RFX3: variants seen among roughly 807,000 people sequenced by gnomAD.
The protein encoded by RFX3 is transcription factor RFX3.
RFX3 carries 14 observed loss-of-function variants against 98.6 expected under a neutral mutation model. The observed-to-expected ratio is 0.14, with a 90% CI of 0.09 to 0.22. The LOEUF (loss-of-function observed/expected upper bound fraction) is 0.22, where lower values mean the gene tolerates loss of function less well. Ranked by LOEUF, RFX3 falls within the 10% of genes least tolerant of loss-of-function variation. The pLI, the probability that RFX3 is intolerant of heterozygous loss-of-function variation, is 1.00. For missense variants in RFX3, 639 were observed against 926.9 expected (o/e 0.69, Z 4.03); for synonymous variants, 383 against 328.4 (o/e 1.17, Z -1.80).
intron 1 of RFX3, among the ~76,000 whole-genome samples, chr9:3,522,451 G>A (rs992411583): frequency 6.6e-6 from 1 of 152,108 alleles, no homozygotes; most frequent in Non-Finnish European, 1.5e-5. Flanking sequence ...TCTCAAAAAT[G>A]TTAAAGTTTA....
intron 1 of RFX3, among the ~76,000 whole-genome samples, chr9:3,414,446 C>A (rs1842715698): frequency 6.6e-6 from 1 of 151,288 alleles, no homozygotes; most frequent in Non-Finnish European, 1.5e-5. Flanking sequence ...TATTTGCTGT[C>A]CTACCAAAAG....
At chr9:3,448,084 C>CTGA (rs142421456) in intron 1 of RFX3, among the ~76,000 whole-genome samples, 1,804 of 152,238 alleles carry the variant, frequency 0.012, 33 homozygotes, top group African/African-American at 0.041. Flanking sequence ...TCCCTCACTT[C>CTGA]ACCTACTTAA....
chr9:3,238,509 C>T (rs1047622752), intron 15 of RFX3, among the ~76,000 whole-genome samples: 1 of 152,144 alleles, frequency 6.6e-6, no homozygotes, highest in Non-Finnish European at 1.5e-5. Flanking sequence ...CTTGGCCTAA[C>T]CCGAGTGTTT....
At chr9:3,234,314 T>C (rs891734053) in intron 15 of RFX3, among the ~76,000 whole-genome samples, 2 of 152,180 alleles carry the variant, frequency 1.3e-5, no homozygotes, top group Admixed American at 6.6e-5. Flanking sequence ...AACAGGTATA[T>C]GAATGTGTGT....
At chr9:3,338,220 A>G (rs1398692945) in intron 3 of RFX3, among the ~76,000 whole-genome samples, 1 of 152,254 alleles carries the variant, frequency 6.6e-6, no homozygotes, top group Non-Finnish European at 1.5e-5. Context: ...TATCACTAAT[A>G]AAACATTTGC....
chr9:3,301,173 G>C (rs534367342), intron 5 of RFX3, among the ~76,000 whole-genome samples: 2 of 151,738 alleles, frequency 1.3e-5, no homozygotes, highest in Non-Finnish European at 2.9e-5. Context: ...CACGCAAGTA[G>C]ACATGGCTGT....
chr9:3,353,586 C>A (rs1835409752), intron 2 of RFX3, among the ~76,000 whole-genome samples: 1 of 151,900 alleles, frequency 6.6e-6, no homozygotes, highest in African/African-American at 2.4e-5. Context: ...AGGAGTAAAG[C>A]CTTAGTAGTA....
chr9:3,376,712 T>C (rs1486580430), intron 2 of RFX3, among the ~76,000 whole-genome samples: 1 of 151,932 alleles, frequency 6.6e-6, no homozygotes, highest in Non-Finnish European at 1.5e-5. Context: ...AGGGCTAATA[T>C]CCAGAATCTA....
intron 1 of RFX3, among the ~76,000 whole-genome samples, chr9:3,521,377 T>C (rs913875549): frequency 2.6e-5 from 4 of 152,158 alleles, no homozygotes; most frequent in African/African-American, 4.8e-5. Flanking sequence ...TAAGATAGTA[T>C]GTTAAACTCC....
chr9:3,387,772 C>T (rs992218906), intron 2 of RFX3, among the ~76,000 whole-genome samples: 11 of 151,998 alleles, frequency 7.2e-5, no homozygotes, highest in Non-Finnish European at 1.5e-4. Flanking sequence ...CAAGTAAGAG[C>T]AAACCGGAGA....
chr9:3,417,833 TA>T (rs1421399948), intron 1 of RFX3, among the ~76,000 whole-genome samples: 2 of 152,254 alleles, frequency 1.3e-5, no homozygotes, highest in Non-Finnish European at 1.5e-5. Flanking sequence ...AAAATTCACA[TA>T]AAAAACAGTT....
At chr9:3,501,820 G>A (rs892225625) in intron 1 of RFX3, among the ~76,000 whole-genome samples, 3 of 151,494 alleles carry the variant, frequency 2.0e-5, no homozygotes, top group Non-Finnish European at 4.4e-5. Flanking sequence ...GCCTCCCAAA[G>A]TGCTGGAATT....
chr9:3,434,767 A>G (rs561142599), intron 1 of RFX3, among the ~76,000 whole-genome samples: 256 of 152,136 alleles, frequency 1.7e-3, no homozygotes, highest in African/African-American at 5.3e-3. Context: ...ACATTTCACA[A>G]TTACAGTCAT....
At chr9:3,225,669 CAAAA>C (rs561957459) in intron 16 of RFX3, among the ~76,000 whole-genome samples, 1 of 150,672 alleles carries the variant, frequency 6.6e-6, no homozygotes, top group African/African-American at 2.4e-5. Flanking sequence ...AACGCAAACA[CAAAA>C]AAAGTGTTGT....
chr9:3,284,909 C>T lies in RFX3; in HGVS notation c.851+3222G>A, dbSNP rs548007674. ...TTCCGACTCATGGCTATGTTCCATA[C>T]AGTGGTATTGCTGGGAATTGGATTT... is the stretch of plus-strand genomic sequence containing the variant. On this transcript the variant is annotated intron_variant, in intron 7 of 16. Transcript: ENST00000617270. Among the ~76,000 whole-genome samples, 35 of 151,866 alleles carry T rather than the reference C, an allele frequency of 2.3e-4. No individual in the cohort carries two copies. In the South Asian group the frequency reaches 7.0e-3, roughly 31 times the overall value.
At chr9:3,303,659 A>C (rs1828930796) in intron 4 of RFX3, among the ~76,000 whole-genome samples, 1 of 151,740 alleles carries the variant, frequency 6.6e-6, no homozygotes, top group South Asian at 2.1e-4. Flanking sequence ...AAAAAAAAAA[A>C]GTCAGAGATC....
intron 1 of RFX3, among the ~76,000 whole-genome samples, chr9:3,487,751 A>C (rs1587839617): frequency 6.6e-6 from 1 of 152,198 alleles, no homozygotes; most frequent in Non-Finnish European, 1.5e-5. Context: ...GCTTCCAATT[A>C]TCCCTCCAAA....
intron 1 of RFX3, among the ~76,000 whole-genome samples, chr9:3,455,092 A>G (rs1033679485): frequency 2.0e-5 from 3 of 152,052 alleles, no homozygotes; most frequent in African/African-American, 4.8e-5. Flanking sequence ...AATTCCCCAC[A>G]CCGTAGCCAG....
intron 14 of RFX3, among the ~76,000 whole-genome samples, chr9:3,252,945 C>T (rs1032210720): frequency 1.3e-5 from 2 of 152,180 alleles, no homozygotes; most frequent in African/African-American, 4.8e-5. Context: ...CTCTCTGTGT[C>T]AGGCCTCCGC....
Sources: allele counts gnomAD v4.1 joint callset (sites outside exome capture counted in the v4.1 genomes callset), GRCh38; gene constraint gnomAD v4.1.1; transcripts MANE v1.5; gene names NCBI Gene and HGNC (gene_info 2026-07-23, HGNC 2026-07-21).